PRAG1: variants seen among roughly 807,000 people sequenced by gnomAD.
PRAG1 encodes the protein PEAK1 related, kinase-activating pseudokinase 1.
In PRAG1, 110 loss-of-function variants were observed where a neutral mutation model predicts 95.6. The observed-to-expected ratio is 1.15, with a 90% CI of 0.99 to 1.35. The LOEUF is 1.35. Among genes scored for constraint, PRAG1 ranks in the 40% most tolerant of loss-of-function variants. The pLI, the probability that PRAG1 is intolerant of heterozygous loss-of-function variation, is 0.00. For synonymous variants in PRAG1, 1,052 were observed against 819.4 expected (o/e 1.28, Z -4.85); for missense variants, 2,554 against 1,864.7 (o/e 1.37, Z -6.81).
chr8:8,370,697 G>T (rs570360065), intron 3 of PRAG1, among the ~76,000 whole-genome samples: 2 of 152,118 alleles, frequency 1.3e-5, no homozygotes, highest in African/African-American at 4.8e-5. Context: ...CCATCCTCCC[G>T]GTTCATGCCC....
chr8:8,344,924 C>T (rs1799283153), intron 3 of PRAG1, among the ~76,000 whole-genome samples: 2 of 152,262 alleles, frequency 1.3e-5, no homozygotes, highest in African/African-American at 4.8e-5. Flanking sequence ...TCTTTTAAGA[C>T]TTGGGAGTTA....
At chr8:8,380,111 C>CA (rs929452992) in intron 2 of PRAG1, among the ~76,000 whole-genome samples, 4 of 151,224 alleles carry the variant, frequency 2.6e-5, no homozygotes, top group Admixed American at 1.3e-4. Flanking sequence ...AAAACAAAAA[C>CA]AAAAAAACGC....
intron 3 of PRAG1, among the ~76,000 whole-genome samples, chr8:8,371,114 C>T (rs1274026115): frequency 2.3e-5 from 3 of 128,278 alleles, no homozygotes; most frequent in Non-Finnish European, 4.7e-5. Context: ...CCAGCCTGAG[C>T]GACAGAGATT....
chr8:8,354,075 A>G (rs112065762), intron 3 of PRAG1, among the ~76,000 whole-genome samples: 2 of 152,138 alleles, frequency 1.3e-5, no homozygotes, highest in African/African-American at 4.8e-5. Context: ...GAAGACTCAA[A>G]TAAAATCAGA....
In PRAG1 at chr8:8,376,853, G is replaced by A. The variant is rs1313805426; in HGVS notation, c.1556C>T (p.Ala519Val). The change falls in exon 3 of 6, where the codon GCT becomes GTT. Residue 519 changes from alanine to valine, a missense_variant. By Grantham distance (64) the Ala-to-Val change is moderately conservative. Transcript: ENST00000615670. ...TTCCCTGGAGCTCAGCCCCTGCCCAGCCGAAGTCTCCTCTTCACCTACCTC... is the reference window on the plus strand; with the variant it reads ...TTCCCTGGAGCTCAGCCCCTGCCCAACCGAAGTCTCCTCTTCACCTACCTC... ...NSEVGEEETS[A>V]GQGLSSRESH... 6.2e-7 allele frequency: 1 copy of A among 1,613,026 alleles called. No individual in the cohort carries two copies. Among genetic ancestry groups the A allele is most frequent in the African/African-American group, 1.3e-5 (1 of 75,064 alleles).
At chr8:8,344,892 G>T (rs1236562048) in intron 3 of PRAG1, among the ~76,000 whole-genome samples, 1 of 152,208 alleles carries the variant, frequency 6.6e-6, no homozygotes, top group East Asian at 1.9e-4. Flanking sequence ...GCTGGAAACA[G>T]TTGCATCATA....
At chr8:8,359,147 G>C (rs769703425) in intron 3 of PRAG1, among the ~76,000 whole-genome samples, 5 of 152,168 alleles carry the variant, frequency 3.3e-5, no homozygotes, top group Non-Finnish European at 7.4e-5. Flanking sequence ...AGGTAAGCTT[G>C]AAGAGGAACT....
intron 2 of PRAG1, among the ~76,000 whole-genome samples, chr8:8,380,479 G>A (rs1399797792): frequency 1.3e-5 from 2 of 151,862 alleles, no homozygotes; most frequent in Non-Finnish European, 2.9e-5. Context: ...TGTACCTATA[G>A]CCCCAGCTTC....
At chr8:8,351,481 A>G (rs1799521171) in intron 3 of PRAG1, among the ~76,000 whole-genome samples, 1 of 152,188 alleles carries the variant, frequency 6.6e-6, no homozygotes, top group Admixed American at 6.5e-5. Flanking sequence ...CTAGAGGTTC[A>G]CCCTACTTTG....
intron 4 of PRAG1, among the ~76,000 whole-genome samples, chr8:8,336,222 A>C (rs1798979563): frequency 6.6e-6 from 1 of 152,190 alleles, no homozygotes; most frequent in Admixed American, 6.5e-5. Context: ...CGAACTGCTG[A>C]ACTGAATTTT....
intron 3 of PRAG1, among the ~76,000 whole-genome samples, chr8:8,373,341 A>C (rs753160657): frequency 6.6e-6 from 1 of 152,206 alleles, no homozygotes; most frequent in Non-Finnish European, 1.5e-5. Flanking sequence ...TAATGTCAGT[A>C]ATGCTTGAGA....
rs537622065 is a variant in PRAG1 at position 8,337,875 on chromosome 8, C to T, written c.2320+1603G>A. 1.3e-5 allele frequency among the ~76,000 whole-genome samples: 2 copies of T among 152,242 alleles called. 1 individual carries two copies. The highest frequency in any genetic ancestry group is 4.1e-4 in the South Asian group (2 of 4,832). On this transcript the variant is annotated intron_variant, in intron 4 of 5. Transcript: ENST00000615670. ...TGTGAGAGCCGTGTACAATTCAGCC[C>T]CTGCTTCCCACCAAGCTCATGTCCC...
chr8:8,368,708 C>T (rs1477607857), intron 3 of PRAG1, among the ~76,000 whole-genome samples: 1 of 152,066 alleles, frequency 6.6e-6, no homozygotes, highest in African/African-American at 2.4e-5. Context: ...CCTCTGACGA[C>T]GTCAGGGACA....
At chr8:8,366,193 A>G (rs1799998544) in intron 3 of PRAG1, among the ~76,000 whole-genome samples, 1 of 152,222 alleles carries the variant, frequency 6.6e-6, no homozygotes, top group Non-Finnish European at 1.5e-5. Flanking sequence ...CACTAAGAAG[A>G]AACAAGACAT....
chr8:8,345,417 T>C (rs1013861592), intron 3 of PRAG1, among the ~76,000 whole-genome samples: 8 of 150,476 alleles, frequency 5.3e-5, no homozygotes, highest in Admixed American at 3.3e-4. Context: ...CAGAAATCAG[T>C]AGGCATTTGG....
chr8:8,319,130 G>A lies in PRAG1; in HGVS notation c.3245C>T (p.Ala1082Val). ...PVPALPTHPP[A>V]QEQDCVVVIT... ...GACCACCACGCAGTCCTGCTCCTGG[G>A]CAGGGGGGTGTGTGGGCAGGGCAGG... The change falls in exon 6 of 6, where the codon GCC becomes GTC. Residue 1082 changes from alanine to valine, a missense_variant. By Grantham distance (64) the Ala-to-Val change is moderately conservative. Transcript: ENST00000615670. 4 of 1,605,902 alleles carry A rather than the reference G, an allele frequency of 2.5e-6. No individual in the cohort carries two copies. Among genetic ancestry groups the A allele is most frequent in the Non-Finnish European group, 3.4e-6 (4 of 1,176,890 alleles).
At position 8,328,345 on chromosome 8, in the gene PRAG1, G is replaced by A. The variant is rs1798712688; in HGVS notation, c.2437C>T (p.Pro813Ser). The change falls in exon 5 of 6, where the codon CCT becomes TCT. Residue 813 changes from proline to serine, a missense_variant. Transcript: ENST00000615670. ...DVSPSGPQQPPPLPQKKIVSR... is the reference protein window; with the variant it reads ...DVSPSGPQQPSPLPQKKIVSR... ...ACTATCTTTTTCTGGGGGAGTGGAG[G>A]GGGCTGCTGGGGGCCACTGGGGGAC... The A allele has an allele frequency of 1.2e-6, 2 of 1,613,612 alleles. No homozygotes were observed. The highest frequency in any genetic ancestry group is 2.2e-5 in the South Asian group (2 of 91,078).
At chr8:8,337,653 A>G (rs1433462695) in intron 4 of PRAG1, among the ~76,000 whole-genome samples, 1 of 152,174 alleles carries the variant, frequency 6.6e-6, no homozygotes, top group Non-Finnish European at 1.5e-5. Flanking sequence ...CTGGGAGTCT[A>G]AGTTTTGAAA....
chr8:8,371,740 C>T (rs1253849031), intron 3 of PRAG1, among the ~76,000 whole-genome samples: 1 of 152,068 alleles, frequency 6.6e-6, no homozygotes, highest in East Asian at 1.9e-4. Context: ...CATGGTGGCA[C>T]GTGCCTGTAG....
Sources: gnomAD v4.1 joint callset for allele counts (sites outside exome capture counted in the v4.1 genomes callset) on GRCh38, gnomAD v4.1.1 for gene constraint, MANE v1.5 for transcripts, NCBI Gene and HGNC (gene_info 2026-07-23, HGNC 2026-07-21) for gene names.